Variants in ELOVL6 observed in about 807,000 individuals in gnomAD.
The protein encoded by ELOVL6 is very long chain fatty acid elongase 6.
In ELOVL6, 8 loss-of-function variants were observed where a neutral mutation model predicts 31.7. That is an observed-to-expected ratio of 0.25 (90% CI 0.15 to 0.45). The LOEUF (loss-of-function observed/expected upper bound fraction) is 0.45, where lower values mean the gene tolerates loss of function less well. ELOVL6 is among the 20% of genes least tolerant of loss of function. The probability of loss-of-function intolerance (pLI) is 1.00; values close to 1 mark genes in which losing one functional copy is unlikely to be tolerated. For synonymous variants in ELOVL6, 101 were observed against 117.7 expected, an observed-to-expected ratio of 0.86 and a Z score of 0.92; for missense variants, 126 against 326.4, an observed-to-expected ratio of 0.39 and a Z score of 4.73.
chr4:110,084,326 GAT>G (rs377083845), intron 2 of ELOVL6, among the ~76,000 whole-genome samples: 1 of 75,282 alleles, frequency 1.3e-5, no homozygotes. Context: ...ATATAAATTT[GAT>G]ATATATCACA....
rs1560814671 is a variant in ELOVL6, at chr4:110,084,236, C to CTT, written c.221+21260_221+21261insAA. On this transcript the variant is annotated intron_variant, in intron 2 of 3. Coordinates refer to ENST00000302274, the MANE Select transcript of ELOVL6 (RefSeq NM_024090.3). ...CATATAACTTATATGATATATATAA[C>CTT]ATATATGATATATATAACATATAGC... 8.7e-5 allele frequency among the ~76,000 whole-genome samples: 9 copies of CTT among 102,906 alleles called. 1 individual carries two copies. Among genetic ancestry groups the CTT allele is most frequent in the African/African-American group, 4.8e-4 (9 of 18,738 alleles). The allele number at this position is 102,906 out of a possible 152,430, so 67.5% of individuals were successfully genotyped here.
chr4:110,158,191 G>T (rs1452592824), intron 1 of ELOVL6, among the ~76,000 whole-genome samples: 1 of 152,020 alleles, frequency 6.6e-6, no homozygotes, highest in Non-Finnish European at 1.5e-5. Flanking sequence ...ACCCTATTCT[G>T]CTTTATATTA....
rs143661797 is a variant in ELOVL6, at chr4:110,197,708, A to C, written c.89+539T>G. 1.3e-3 allele frequency among the ~76,000 whole-genome samples: 193 copies of C among 152,070 alleles called. 2 individuals carry two copies. In the East Asian group the frequency reaches 0.029, roughly 23 times the overall value. On this transcript the variant is annotated intron_variant, in intron 1 of 3. Coordinates refer to ENST00000302274, the MANE Select transcript of ELOVL6 (RefSeq NM_024090.3). ...CCTGAGGAGCGGCAGACAGAGGAGG[A>C]CGGTGAAGTAGGAGCGCTGCAAGGA... is the stretch of plus-strand genomic sequence containing the variant.
At position 110,090,619 on chromosome 4, in the gene ELOVL6, T is replaced by TTTTTTTTTTTTTC. The variant is rs1339267305; in HGVS notation, c.221+14877_221+14878insGAAAAAAAAAAAA. Among the ~76,000 whole-genome samples, 7 of 148,652 alleles carry TTTTTTTTTTTTTC rather than the reference T, an allele frequency of 4.7e-5. 1 individual carries two copies. Among genetic ancestry groups the TTTTTTTTTTTTTC allele is most frequent in the African/African-American group, 1.8e-4 (7 of 39,746 alleles). On this transcript the variant is annotated intron_variant, in intron 2 of 3. Coordinates refer to ENST00000302274, the MANE Select transcript of ELOVL6 (RefSeq NM_024090.3). Reference sequence around the variant, plus strand: ...GACTTTCTTTTTTTTTTTTTTTTTTTTCATGAGACGGAGTCTCGCTCTGTC... The same window carrying TTTTTTTTTTTTTC: ...GACTTTCTTTTTTTTTTTTTTTTTTTTTTTTTTTTTTTCTCATGAGACGGAGTCTCGCTCTGTC...
chr4:110,193,528 C>A (rs1474703941), intron 1 of ELOVL6, among the ~76,000 whole-genome samples: 1 of 152,042 alleles, frequency 6.6e-6, no homozygotes, highest in Non-Finnish European at 1.5e-5. Context: ...TCACTGGAAC[C>A]CGGAGGCAGA....
intron 2 of ELOVL6, among the ~76,000 whole-genome samples, chr4:110,084,899 G>A (rs1444182279): frequency 2.0e-5 from 3 of 151,874 alleles, no homozygotes; most frequent in Non-Finnish European, 4.4e-5. Flanking sequence ...GGCGTATGCT[G>A]TGATATATTA....
At chr4:110,197,719 G>A (rs922451677) in intron 1 of ELOVL6, among the ~76,000 whole-genome samples, 3 of 151,958 alleles carry the variant, frequency 2.0e-5, no homozygotes, top group African/African-American at 7.3e-5. Context: ...CGGTGAAGTA[G>A]GAGCGCTGCA....
chr4:110,132,616 C>T (rs1304254536), intron 1 of ELOVL6, among the ~76,000 whole-genome samples: 1 of 151,832 alleles, frequency 6.6e-6, no homozygotes, highest in African/African-American at 2.4e-5. Flanking sequence ...CACTTGAGGT[C>T]AGGAGTTCAA....
Position 110,048,851 on chromosome 4 carries a change from A to G in ELOVL6, c.*2487T>C, listed in dbSNP as rs940892684. ...ATTATTTTACAAGTAAAGACAAACA[A>G]ACATGAACCTAATACCAAAATGAAA... On this transcript the variant is annotated 3_prime_UTR_variant, in exon 4 of 4. Transcript: ENST00000302274. 4.6e-5 allele frequency: 7 copies of G among 152,240 alleles called. No homozygotes were observed. The highest frequency in any genetic ancestry group is 1.7e-4 in the African/African-American group (7 of 41,468). The allele number at this position is 152,240 out of a possible 1,614,324, so 9.4% of individuals were successfully genotyped here. A position where few individuals can be genotyped will look rare whatever the true frequency, so the allele number is the denominator to read the frequency against.
intron 1 of ELOVL6, among the ~76,000 whole-genome samples, chr4:110,126,021 A>G (rs1413857549): frequency 6.6e-6 from 1 of 152,128 alleles, no homozygotes; most frequent in African/African-American, 2.4e-5. Context: ...ATTTGGCCCC[A>G]GTGATGGTTA....
At chr4:110,136,080 T>C (rs1469865604) in intron 1 of ELOVL6, among the ~76,000 whole-genome samples, 1 of 152,204 alleles carries the variant, frequency 6.6e-6, no homozygotes, top group Non-Finnish European at 1.5e-5. Flanking sequence ...AAAGACTGCA[T>C]GTTCATAAAC....
At chr4:110,069,393 C>T (rs1755403706) in intron 2 of ELOVL6, among the ~76,000 whole-genome samples, 1 of 151,822 alleles carries the variant, frequency 6.6e-6, no homozygotes, top group Admixed American at 6.6e-5. Flanking sequence ...CCATCAAGGC[C>T]AGAGAGAAAG....
rs367565001 is a variant in ELOVL6, at chr4:110,063,876, G to A, written c.222-4122C>T. Among the ~76,000 whole-genome samples the A allele has an allele frequency of 1.5e-3, 227 of 151,864 alleles. 2 individuals are homozygous for A. The highest frequency in any genetic ancestry group is 0.01 in the Middle Eastern group (3 of 294). ...GTGGATCACCTGAGGTCAGGATTTC[G>A]AGACCAGCCTGGCCAACACGGTGAA... is the stretch of plus-strand genomic sequence containing the variant. On this transcript the variant is annotated intron_variant, in intron 2 of 3. Transcript: ENST00000302274.
intron 2 of ELOVL6, among the ~76,000 whole-genome samples, chr4:110,088,360 A>G (rs565936625): frequency 5.9e-5 from 9 of 152,326 alleles, no homozygotes; most frequent in Non-Finnish European, 1.2e-4. Context: ...CAACGGGGAC[A>G]CATTCCAAGA....
At chr4:110,117,903 A>AAAAAAAAATT in intron 1 of ELOVL6, 5 of 6,502 alleles carry the variant, frequency 7.7e-4, no homozygotes, top group African/African-American at 1.6e-3. Flanking sequence ...AAAAAAAAAA[A>AAAAAAAAATT]ATATATATAT....
At position 110,046,161 on chromosome 4, in the gene ELOVL6, G is replaced by A. The variant is rs1233694449; in HGVS notation, c.*5177C>T. The stretch of plus-strand genomic sequence containing the variant: ...TACTTCTGTGGCCTTCTTAGTTTTT[G>A]TCGATGGAAATAAAGTCTCAAGTGC... On this transcript the variant is annotated 3_prime_UTR_variant, in exon 4 of 4. Coordinates refer to ENST00000302274, the MANE Select transcript of ELOVL6 (RefSeq NM_024090.3). 6.6e-6 allele frequency: 1 copy of A among 152,098 alleles called. No homozygotes were observed. Among genetic ancestry groups the A allele is most frequent in the East Asian group, 1.9e-4 (1 of 5,182 alleles). 9.4% of individuals were successfully genotyped at this position (152,098 alleles called of 1,614,324 possible). A position where few individuals can be genotyped will look rare whatever the true frequency, so the allele number is the denominator to read the frequency against.
intron 2 of ELOVL6, among the ~76,000 whole-genome samples, chr4:110,076,337 T>C (rs918211795): frequency 9.9e-5 from 15 of 152,224 alleles, no homozygotes; most frequent in Non-Finnish European, 1.9e-4. Flanking sequence ...CAATTTACTG[T>C]ATATAACTGT....
chr4:110,058,294 G>T (rs1439770094), intron 3 of ELOVL6, among the ~76,000 whole-genome samples: 1 of 152,184 alleles, frequency 6.6e-6, no homozygotes, highest in Non-Finnish European at 1.5e-5. Flanking sequence ...GTTGGAGGGG[G>T]GGAGCGGTGC....
chr4:110,119,012 T>G (rs2126252866), intron 1 of ELOVL6, among the ~76,000 whole-genome samples: 1 of 152,304 alleles, frequency 6.6e-6, no homozygotes, highest in South Asian at 2.1e-4. Context: ...TGCAGTAAGC[T>G]GTGATCATGC....
Sources: gnomAD v4.1 joint callset for allele counts (sites outside exome capture counted in the v4.1 genomes callset) on GRCh38, gnomAD v4.1.1 for gene constraint, MANE v1.5 for transcripts, NCBI Gene and HGNC (gene_info 2026-07-23, HGNC 2026-07-21) for gene names.